LRRTM4: variants seen among roughly 807,000 people sequenced by gnomAD.
The protein encoded by LRRTM4 is leucine rich repeat transmembrane neuronal 4, also known as leucine-rich repeat transmembrane neuronal protein 4.
A neutral mutation model predicts 47.6 loss-of-function variants in LRRTM4; 25 were observed. The observed-to-expected ratio is 0.53, with a 90% CI of 0.38 to 0.73. LRRTM4 has a LOEUF of 0.73. Ranked by LOEUF, LRRTM4 falls within the 30% of genes least tolerant of loss-of-function variation. LRRTM4 has a pLI of 0.00. For missense variants in LRRTM4, 638 were observed against 713.4 expected, an observed-to-expected ratio of 0.89 and a Z score of 1.20; for synonymous variants, 311 against 269.5, an observed-to-expected ratio of 1.15 and a Z score of -1.51.
Position 76,806,052 on chromosome 2 carries a change from C to T in LRRTM4, c.1552-57136G>A, listed in dbSNP as rs138555949. 9.6e-4 allele frequency among the ~76,000 whole-genome samples: 146 copies of T among 152,132 alleles called. 1 individual carries two copies. The highest frequency in any genetic ancestry group is 1.8e-3 in the Non-Finnish European group (121 of 68,006). On this transcript the variant is annotated intron_variant, in intron 3 of 3. Transcript: ENST00000409884. ...CTCAGCCTATTACAGCTACAATCAA[C>T]GAAACTAAGATGCACGTACAGAACA...
chr2:76,829,386 G>A (rs1479289981), intron 3 of LRRTM4, among the ~76,000 whole-genome samples: 1 of 151,860 alleles, frequency 6.6e-6, no homozygotes, highest in African/African-American at 2.4e-5. Flanking sequence ...CAAATACAAA[G>A]GGCTCCCTTG....
chr2:77,353,685 T>TTTATTATTA (rs58919757), intron 3 of LRRTM4, among the ~76,000 whole-genome samples: 23 of 151,250 alleles, frequency 1.5e-4, no homozygotes, highest in African/African-American at 5.1e-4. Context: ...TGCTGCTTAA[T>TTTATTATTA]TTATTATTAT....
At chr2:77,060,664 T>C (rs534670399) in intron 3 of LRRTM4, among the ~76,000 whole-genome samples, 1 of 152,304 alleles carries the variant, frequency 6.6e-6, no homozygotes, top group African/African-American at 2.4e-5. Context: ...TATTGTGTAA[T>C]GCTGAATAGC....
chr2:77,427,014 C>G (rs1021984656), intron 3 of LRRTM4, among the ~76,000 whole-genome samples: 7 of 141,912 alleles, frequency 4.9e-5, no homozygotes, highest in Admixed American at 1.4e-4. Flanking sequence ...GAGTCTTGCT[C>G]TTTTGCCAGA....
At chr2:77,478,456 G>A (rs1227733875) in intron 3 of LRRTM4, among the ~76,000 whole-genome samples, 1 of 151,988 alleles carries the variant, frequency 6.6e-6, no homozygotes, top group Admixed American at 6.6e-5. Context: ...CTTTTTATAT[G>A]TAAACTTTTA....
chr2:77,259,428 T>C (rs1675858713), intron 3 of LRRTM4, among the ~76,000 whole-genome samples: 1 of 152,112 alleles, frequency 6.6e-6, no homozygotes, highest in African/African-American at 2.4e-5. Context: ...ATTTATAATT[T>C]TAATTCATTC....
At chr2:76,825,404 G>T (rs1344380384) in intron 3 of LRRTM4, among the ~76,000 whole-genome samples, 1 of 151,630 alleles carries the variant, frequency 6.6e-6, no homozygotes, top group Admixed American at 6.6e-5. Context: ...AGAGGGAATT[G>T]ATATACTGAC....
At chr2:77,024,481 A>C (rs1260908340) in intron 3 of LRRTM4, among the ~76,000 whole-genome samples, 1 of 150,138 alleles carries the variant, frequency 6.7e-6, no homozygotes, top group Non-Finnish European at 1.5e-5. Flanking sequence ...CATTGGTTGC[A>C]AAGGGTCTAG....
At chr2:77,198,076 G>A (rs1020037270) in intron 3 of LRRTM4, among the ~76,000 whole-genome samples, 19 of 152,120 alleles carry the variant, frequency 1.2e-4, no homozygotes, top group African/African-American at 4.3e-4. Flanking sequence ...CAAAACCTCA[G>A]TAGTTTAAAC....
chr2:77,348,475 C>T (rs1012693113), intron 3 of LRRTM4, among the ~76,000 whole-genome samples: 3 of 149,552 alleles, frequency 2.0e-5, no homozygotes, highest in Admixed American at 2.0e-4. Context: ...ATTTTATAAG[C>T]TTATATAATT....
intron 3 of LRRTM4, among the ~76,000 whole-genome samples, chr2:76,992,513 A>T (rs1677044756): frequency 6.6e-6 from 1 of 151,434 alleles, no homozygotes; most frequent in Non-Finnish European, 1.5e-5. Flanking sequence ...TAAAATCAAG[A>T]ACATTTTTCA....
At chr2:77,012,529 C>A (rs897910518) in intron 3 of LRRTM4, among the ~76,000 whole-genome samples, 15 of 152,320 alleles carry the variant, frequency 9.8e-5, no homozygotes, top group Admixed American at 7.8e-4. Flanking sequence ...GAATCACCTG[C>A]AGAGCCTGGG....
chr2:77,445,418 A>T (rs1676013795), intron 3 of LRRTM4, among the ~76,000 whole-genome samples: 1 of 151,762 alleles, frequency 6.6e-6, no homozygotes, highest in Non-Finnish European at 1.5e-5. Flanking sequence ...CTCTTCTACC[A>T]CTTGTACACC....
At chr2:77,055,351 C>G (rs138170439) in intron 3 of LRRTM4, among the ~76,000 whole-genome samples, 2 of 152,334 alleles carry the variant, frequency 1.3e-5, no homozygotes, top group Non-Finnish European at 2.9e-5. Context: ...ACACGTACAT[C>G]TCTTCTTGTT....
intron 3 of LRRTM4, among the ~76,000 whole-genome samples, chr2:77,088,049 GCTGAATGTGTCA>G (rs1680783992): frequency 6.6e-6 from 1 of 152,170 alleles, no homozygotes; most frequent in Admixed American, 6.5e-5. Context: ...AAGTAAGTGT[GCTGAATGTGTCA>G]CTGAGCTAGC....
intron 3 of LRRTM4, among the ~76,000 whole-genome samples, chr2:77,336,219 GAAAGGAAAGA>G: frequency 3.7e-5 from 5 of 136,174 alleles, no homozygotes; most frequent in African/African-American, 1.4e-4. Flanking sequence ...AAGGAAGGGA[GAAAGGAAAGA>G]AAGGAAGGAA....
rs112590446 is a variant in LRRTM4, at chr2:76,968,586, C to T, written c.1552-219670G>A. Among the ~76,000 whole-genome samples the T allele has an allele frequency of 2.2e-3, 332 of 151,324 alleles. 2 individuals carry two copies. Among genetic ancestry groups the T allele is most frequent in the African/African-American group, 7.8e-3 (323 of 41,380 alleles). ...AATAACTTTTCTTTAATCCACTGCT[C>T]ATTTTGCTTTTTAGCTAACTATTCT... On this transcript the variant is annotated intron_variant, in intron 3 of 3. Transcript: ENST00000409884.
intron 3 of LRRTM4, among the ~76,000 whole-genome samples, chr2:77,478,851 C>T (rs1303642417): frequency 6.6e-6 from 1 of 152,158 alleles, no homozygotes; most frequent in Non-Finnish European, 1.5e-5. Context: ...CTTGATTCAC[C>T]TCCTACAGTG....
At chr2:77,477,882 A>G in intron 3 of LRRTM4, among the ~76,000 whole-genome samples, 1 of 137,684 alleles carries the variant, frequency 7.3e-6, no homozygotes, top group African/African-American at 2.8e-5. Flanking sequence ...AGAAAGAAAG[A>G]GAAAGAAAGA....
Sources: allele counts gnomAD v4.1 joint callset (sites outside exome capture counted in the v4.1 genomes callset), GRCh38; gene constraint gnomAD v4.1.1; transcripts MANE v1.5; gene names NCBI Gene and HGNC (gene_info 2026-07-23, HGNC 2026-07-21).